NRXN3: variants seen among roughly 807,000 people sequenced by gnomAD.
The protein encoded by NRXN3 is neurexin 3, also known as neurexin III.
In NRXN3, 32 loss-of-function variants were observed where a neutral mutation model predicts 137.6. That is an observed-to-expected ratio of 0.23 (90% CI 0.18 to 0.31). NRXN3 has a LOEUF of 0.31. Among genes scored for constraint, NRXN3 ranks in the 10% least tolerant of loss-of-function variants. The pLI is 1.00. For missense variants in NRXN3, 1,574 were observed against 2,062.5 expected (o/e 0.76, Z 4.59); for synonymous variants, 798 against 784.5 (o/e 1.02, Z -0.29).
intron 10 of NRXN3, among the ~76,000 whole-genome samples, chr14:78,844,460 G>A (rs1165882679): frequency 6.6e-6 from 1 of 152,018 alleles, no homozygotes; most frequent in African/African-American, 2.4e-5. Flanking sequence ...TTAAGTTCTT[G>A]TTCTTTGACT....
At chr14:79,765,621 C>T (rs1403378066) in intron 19 of NRXN3, among the ~76,000 whole-genome samples, 4 of 152,206 alleles carry the variant, frequency 2.6e-5, no homozygotes. Flanking sequence ...CTACTTTGCT[C>T]ATCACCCTGT....
At chr14:79,225,923 T>C (rs953137177) in intron 15 of NRXN3, among the ~76,000 whole-genome samples, 1 of 152,124 alleles carries the variant, frequency 6.6e-6, no homozygotes, top group Non-Finnish European at 1.5e-5. Flanking sequence ...AAAGCCTGCA[T>C]TCTTCTGCTT....
intron 4 of NRXN3, among the ~76,000 whole-genome samples, chr14:78,500,239 T>C (rs1420113419): frequency 6.6e-6 from 1 of 152,180 alleles, no homozygotes; most frequent in Non-Finnish European, 1.5e-5. Flanking sequence ...TTTCTAGAAA[T>C]GTATAGTTTT....
intron 20 of NRXN3, chr14:79,854,219 TA>T: frequency 1.1e-6 from 1 of 894,468 alleles, no homozygotes; most frequent in Non-Finnish European, 1.3e-6. Context: ...TTTGTTGATG[TA>T]AGTTGACTAT....
chr14:78,756,628 C>T (rs2098669730), intron 8 of NRXN3, among the ~76,000 whole-genome samples: 1 of 151,804 alleles, frequency 6.6e-6, no homozygotes, highest in South Asian at 2.1e-4. Context: ...TCCATTCTCC[C>T]TCACCCTTGC....
chr14:78,222,465 G>A (rs1397334898), intron 1 of NRXN3, among the ~76,000 whole-genome samples: 1 of 152,194 alleles, frequency 6.6e-6, no homozygotes, highest in Admixed American at 6.5e-5. Flanking sequence ...GAGGCTTTGG[G>A]TGCTTCTCCC....
At chr14:78,783,534 T>C (rs1567299994) in intron 8 of NRXN3, among the ~76,000 whole-genome samples, 1 of 152,028 alleles carries the variant, frequency 6.6e-6, no homozygotes, top group South Asian at 2.1e-4. Flanking sequence ...AAATATTGAA[T>C]CAATGTATAT....
chr14:79,126,642 C>T (rs1443459674), intron 15 of NRXN3, among the ~76,000 whole-genome samples: 8 of 151,978 alleles, frequency 5.3e-5, no homozygotes, highest in Admixed American at 3.9e-4. Flanking sequence ...CATACGTGTG[C>T]ATGTGTCTTT....
At chr14:79,502,786 A>C (rs2096838452) in intron 16 of NRXN3, among the ~76,000 whole-genome samples, 1 of 151,892 alleles carries the variant, frequency 6.6e-6, no homozygotes, top group African/African-American at 2.4e-5. Flanking sequence ...CCTTTTCTGC[A>C]CACTGCTAAC....
intron 15 of NRXN3, among the ~76,000 whole-genome samples, chr14:79,001,204 G>A (rs1298619331): frequency 2.0e-5 from 3 of 152,166 alleles, no homozygotes; most frequent in African/African-American, 7.2e-5. Flanking sequence ...TAGTGAAGAA[G>A]ACTTCACAGT....
At chr14:79,414,714 G>A (rs1004777110) in intron 15 of NRXN3, among the ~76,000 whole-genome samples, 7 of 152,130 alleles carry the variant, frequency 4.6e-5, no homozygotes, top group Admixed American at 1.3e-4. Context: ...GTGTTTGTGT[G>A]TGTTAAGAAT....
intron 15 of NRXN3, among the ~76,000 whole-genome samples, chr14:79,165,562 C>A (rs1204816047): frequency 6.6e-6 from 1 of 151,964 alleles, no homozygotes; most frequent in Non-Finnish European, 1.5e-5. Flanking sequence ...CACAATCCAA[C>A]CTCTGGGGCC....
At chr14:78,389,375 T>C (rs2090453156) in intron 4 of NRXN3, among the ~76,000 whole-genome samples, 1 of 152,176 alleles carries the variant, frequency 6.6e-6, no homozygotes, top group South Asian at 2.1e-4. Flanking sequence ...TGATATATAC[T>C]GAAACATTGC....
chr14:79,358,609 GA>G (rs1364048618), intron 15 of NRXN3, among the ~76,000 whole-genome samples: 2 of 53,356 alleles, frequency 3.7e-5, no homozygotes, highest in African/African-American at 5.9e-5. Context: ...GAAAGAAAGA[GA>G]AAGAAAGAAA....
intron 4 of NRXN3, among the ~76,000 whole-genome samples, chr14:78,621,168 A>C (rs956996611): frequency 5.3e-5 from 8 of 152,176 alleles, no homozygotes; most frequent in Non-Finnish European, 1.2e-4. Context: ...ATTTTGATGA[A>C]GCTCTGTTGG....
intron 15 of NRXN3, among the ~76,000 whole-genome samples, chr14:79,271,767 C>T (rs2079371164): frequency 6.6e-6 from 1 of 152,048 alleles, no homozygotes; most frequent in Non-Finnish European, 1.5e-5. Context: ...TTCCACCCCT[C>T]ATTGATAATC....
intron 4 of NRXN3, among the ~76,000 whole-genome samples, chr14:78,604,097 G>A (rs1466738455): frequency 1.3e-5 from 2 of 152,160 alleles, no homozygotes; most frequent in African/African-American, 4.8e-5. Flanking sequence ...TTAGAGCCAA[G>A]TGAAAGAGGA....
chr14:79,360,650 T>G (rs2093652286), intron 15 of NRXN3, among the ~76,000 whole-genome samples: 1 of 152,196 alleles, frequency 6.6e-6, no homozygotes, highest in Admixed American at 6.5e-5. Context: ...AGTTTTTATT[T>G]ATTTATTTAT....
intron 16 of NRXN3, among the ~76,000 whole-genome samples, chr14:79,635,819 T>G (rs1459505352): frequency 6.6e-6 from 1 of 152,036 alleles, no homozygotes; most frequent in Non-Finnish European, 1.5e-5. Context: ...CTCAAAATCA[T>G]GGTGGAAGGG....
Sources: allele counts gnomAD v4.1 joint callset (sites outside exome capture counted in the v4.1 genomes callset), GRCh38; gene constraint gnomAD v4.1.1; transcripts MANE v1.5; gene names NCBI Gene and HGNC (gene_info 2026-07-23, HGNC 2026-07-21).